The following RLN2 variants were observed in gnomAD, a reference collection of about 807,000 sequenced individuals.
RLN2 encodes relaxin 2.
A neutral mutation model predicts 7.3 loss-of-function variants in RLN2; 10 were observed. The observed-to-expected ratio is 1.36, with a 90% confidence interval of 0.84 to 2.31. The LOEUF (loss-of-function observed/expected upper bound fraction) is 2.31. Among genes scored for constraint, RLN2 ranks in the 30% most tolerant of loss-of-function variants. The pLI, the probability that RLN2 is intolerant of heterozygous loss-of-function variation, is 0.00. For synonymous variants in RLN2, 103 were observed against 82.3 expected (o/e 1.25, Z -1.36); for missense variants, 298 against 217.6 (o/e 1.37, Z -2.32).
chr9:5,333,730 C>T, the RLN2 span, among the ~76,000 whole-genome samples: 1,014 of 152,058 alleles, frequency 6.7e-3, 11 homozygotes, highest in Non-Finnish European at 8.7e-3. Flanking sequence ...AAGAAAACTT[C>T]AGGCCAATAT....
At chr9:5,313,559 T>C in the RLN2 span, among the ~76,000 whole-genome samples, 1 of 152,076 alleles carries the variant, frequency 6.6e-6, no homozygotes, top group African/African-American at 2.4e-5. Context: ...TTTTATTTAA[T>C]TGACAAATAA....
the RLN2 span, among the ~76,000 whole-genome samples, chr9:5,330,510 G>A: frequency 2.0e-5 from 3 of 150,976 alleles, no homozygotes; most frequent in African/African-American, 7.3e-5. Flanking sequence ...TGGTGGCGGG[G>A]GCCTGTAGTC....
the RLN2 span, among the ~76,000 whole-genome samples, chr9:5,324,751 T>C: frequency 3.9e-4 from 60 of 152,168 alleles, 2 homozygotes; most frequent in East Asian, 9.6e-3. Flanking sequence ...TATATCCTCA[T>C]TGAATAGTAC....
the RLN2 span, among the ~76,000 whole-genome samples, chr9:5,328,654 C>T: frequency 6.6e-6 from 1 of 151,890 alleles, no homozygotes; most frequent in Admixed American, 6.6e-5. Flanking sequence ...TTAAGGGCAG[C>T]CAGAGAGAAA....
rs1440480683 is a variant in RLN2 at position 5,301,196 on chromosome 9, G to T, written c.212-752C>A. 2.6e-5 allele frequency among the ~76,000 whole-genome samples: 4 copies of T among 152,190 alleles called. No individual in the cohort carries two copies. In the East Asian group the frequency reaches 7.7e-4, roughly 29 times the overall value. ...GTTTGATATTTGTTCCAAAGCTGCA[G>T]ATCATGCACTATGCAAGATCTGTGT... On this transcript the variant is annotated intron_variant, in intron 1 of 1. Transcript: ENST00000381627.
the RLN2 span, among the ~76,000 whole-genome samples, chr9:5,330,537 C>G: frequency 1.3e-5 from 2 of 149,072 alleles, no homozygotes. Flanking sequence ...ACTCTGGAGG[C>G]TGAGGCAGGA....
chr9:5,306,098 T>TG (rs1357307609), upstream of RLN2, among the ~76,000 whole-genome samples: 1 of 139,636 alleles, frequency 7.2e-6, no homozygotes, highest in African/African-American at 3.0e-5. Flanking sequence ...ATTTCTTTGT[T>TG]TTTGTTTTTT....
the RLN2 span, among the ~76,000 whole-genome samples, chr9:5,318,783 C>T: frequency 6.6e-6 from 1 of 151,924 alleles, no homozygotes; most frequent in African/African-American, 2.4e-5. Context: ...GATCAGCTAA[C>T]TCAAGGAATT....
the RLN2 span, among the ~76,000 whole-genome samples, chr9:5,324,564 C>G: frequency 3.3e-5 from 5 of 151,832 alleles, 1 homozygote; most frequent in African/African-American, 9.7e-5. Context: ...TTGAACTGAA[C>G]CTAACCAGGA....
upstream of RLN2, among the ~76,000 whole-genome samples, chr9:5,309,129 TAGG>T (rs1266093838): frequency 6.6e-6 from 1 of 152,062 alleles, no homozygotes; most frequent in Admixed American, 6.5e-5. Flanking sequence ...ACAGGGTGAA[TAGG>T]AGGTGATTAA....
Position 5,304,597 on chromosome 9 carries a change from C to G in RLN2, c.-17G>C. Reference sequence around the variant, plus strand: ...GCGAGGCATCCTGGGCCTGGTCTCTCCTGGAGGTCGGGACGTTGCAGCCTT... The same window carrying G: ...GCGAGGCATCCTGGGCCTGGTCTCTGCTGGAGGTCGGGACGTTGCAGCCTT... On this transcript the variant is annotated 5_prime_UTR_variant, in exon 1 of 2. Transcript: ENST00000381627. 6.2e-7 allele frequency: 1 copy of G among 1,612,584 alleles called. No individual in the cohort carries two copies.
chr9:5,313,293 T>C, the RLN2 span, among the ~76,000 whole-genome samples: 3 of 152,076 alleles, frequency 2.0e-5, no homozygotes, highest in Non-Finnish European at 4.4e-5. Flanking sequence ...ATCTTCTTCA[T>C]GAATTGACCT....
chr9:5,317,818 T>C, the RLN2 span, among the ~76,000 whole-genome samples: 1 of 151,878 alleles, frequency 6.6e-6, no homozygotes, highest in African/African-American at 2.4e-5. Context: ...ATAAGAGAAA[T>C]GCAAACTAAA....
At chr9:5,325,174 C>T in the RLN2 span, among the ~76,000 whole-genome samples, 6 of 151,726 alleles carry the variant, frequency 4.0e-5, no homozygotes, top group South Asian at 2.1e-4. Context: ...GACAGGTGGC[C>T]GATAGGGGAA....
At position 5,300,436 on chromosome 9, in the gene RLN2, G is replaced by A; in HGVS notation, c.220C>T (p.Pro74Ser). 3 of 1,595,206 alleles carry A rather than the reference G, an allele frequency of 1.9e-6. No individual in the cohort carries two copies. The highest frequency in any genetic ancestry group is 2.6e-6 in the Non-Finnish European group (3 of 1,171,594). The change falls in exon 2 of 2, where the codon CCA becomes TCA. Residue 74 changes from proline (P) to serine (S), a missense_variant. By Grantham distance (74) the Pro-to-Ser change is moderately conservative. Coordinates refer to ENST00000381627, the MANE Select transcript of RLN2 (RefSeq NM_134441.3). Reference sequence around the variant, plus strand: ...TCTGTATCTTTGTTGATGAAGGATGGCACAATTTCTGTTAAATTTAAAAAA... The same window carrying A: ...TCTGTATCTTTGTTGATGAAGGATGACACAATTTCTGTTAAATTTAAAAAA... The part of the protein sequence containing the change: ...QTPRPVAEIV[P>S]SFINKDTETI...
the RLN2 span, among the ~76,000 whole-genome samples, chr9:5,337,143 G>A: frequency 2.0e-5 from 3 of 152,064 alleles, no homozygotes; most frequent in African/African-American, 7.2e-5. Flanking sequence ...CCCTCATTAA[G>A]ACATCCTAAG....
the RLN2 span, among the ~76,000 whole-genome samples, chr9:5,312,173 T>A: frequency 6.6e-6 from 1 of 151,866 alleles, no homozygotes; most frequent in Non-Finnish European, 1.5e-5. Flanking sequence ...AGAGGAGGGA[T>A]CCCCTGATTT....
chr9:5,337,686 A>G, the RLN2 span, among the ~76,000 whole-genome samples: 2 of 152,040 alleles, frequency 1.3e-5, no homozygotes, highest in Non-Finnish European at 2.9e-5. Flanking sequence ...CCTACCTAGT[A>G]ACGGTAAACA....
At chr9:5,327,324 C>G in the RLN2 span, among the ~76,000 whole-genome samples, 2 of 152,024 alleles carry the variant, frequency 1.3e-5, no homozygotes. Context: ...ACCGGCTACG[C>G]AGCAGCTTGA....
Sources: allele counts gnomAD v4.1 joint callset (sites outside exome capture counted in the v4.1 genomes callset), GRCh38; gene constraint gnomAD v4.1.1; transcripts MANE v1.5; gene names NCBI Gene and HGNC (gene_info 2026-07-23, HGNC 2026-07-21).